CACNA2D3: variants seen among roughly 807,000 people sequenced by gnomAD.
The protein encoded by CACNA2D3 is voltage-dependent calcium channel subunit alpha-2/delta-3.
CACNA2D3 carries 60 observed loss-of-function variants against 160.6 expected under a neutral mutation model. That is an observed-to-expected ratio of 0.37 (90% CI 0.30 to 0.46). The LOEUF (loss-of-function observed/expected upper bound fraction) is 0.46. CACNA2D3 is among the 20% of genes least tolerant of loss of function. CACNA2D3 has a pLI of 1.00. For synonymous variants in CACNA2D3, 558 were observed against 492.9 expected (o/e 1.13, Z -1.75); for missense variants, 1,205 against 1,365.0 (o/e 0.88, Z 1.85).
Position 54,832,011 on chromosome 3 carries a change from T to TCATACACACAGCACA in CACNA2D3, c.1399-5146_1399-5145insTACACACAGCACACA, listed in dbSNP as rs373556430. 8.5e-4 allele frequency among the ~76,000 whole-genome samples: 101 copies of TCATACACACAGCACA among 118,948 alleles called. 2 individuals are homozygous for TCATACACACAGCACA. Among genetic ancestry groups the TCATACACACAGCACA allele is most frequent in the African/African-American group, 3.3e-3 (99 of 30,210 alleles). 78.0% of individuals were successfully genotyped at this position (118,948 alleles called of 152,430 possible). ...TCCCTCTTTATCTCTCTCTTCTCTG[T>TCATACACACAGCACA]CACACACACACACACACACACACAC... On this transcript the variant is annotated intron_variant, in intron 14 of 37. Transcript: ENST00000474759.
intron 2 of CACNA2D3, among the ~76,000 whole-genome samples, chr3:54,173,401 TTAA>T (rs1230008440): frequency 6.6e-6 from 1 of 152,196 alleles, no homozygotes; most frequent in Non-Finnish European, 1.5e-5. Flanking sequence ...ACAAGAAAAT[TTAA>T]TAATAATGCA....
chr3:54,919,866 C>A (rs1295720406), intron 27 of CACNA2D3, among the ~76,000 whole-genome samples: 1 of 152,226 alleles, frequency 6.6e-6, no homozygotes, highest in Admixed American at 6.5e-5. Context: ...ACATCCAAAC[C>A]CAGTTCTCCA....
At chr3:55,058,762 C>T (rs1224458579) in intron 35 of CACNA2D3, among the ~76,000 whole-genome samples, 1 of 152,052 alleles carries the variant, frequency 6.6e-6, no homozygotes, top group Non-Finnish European at 1.5e-5. Flanking sequence ...CAGCTCATTA[C>T]TCAGAACTAA....
chr3:54,515,129 C>CAAAGATGCACAAGA lies in CACNA2D3; in HGVS notation c.544+11484_544+11485insCAAGAAAAGATGCA, dbSNP rs199988019. ...GGTCCCAAAGGTGCCCAGCAAGTGA[C>CAAAGATGCACAAGA]AAAGATGCAGAAGAAAATGCATAGT... is the stretch of plus-strand genomic sequence containing the variant. On this transcript the variant is annotated intron_variant, in intron 5 of 37. Coordinates refer to ENST00000474759, the MANE Select transcript of CACNA2D3 (RefSeq NM_018398.3). 5.9e-3 allele frequency among the ~76,000 whole-genome samples: 891 copies of CAAAGATGCACAAGA among 150,338 alleles called. 9 individuals are homozygous for CAAAGATGCACAAGA. The highest frequency in any genetic ancestry group is 0.02 in the African/African-American group (795 of 40,718).
At chr3:54,733,929 A>G (rs964108984) in intron 11 of CACNA2D3, among the ~76,000 whole-genome samples, 95 of 152,132 alleles carry the variant, frequency 6.2e-4, no homozygotes, top group African/African-American at 2.3e-3. Flanking sequence ...ACAAAGTACA[A>G]AGAACTCGAT....
At chr3:54,618,370 T>TGCAC in intron 9 of CACNA2D3, among the ~76,000 whole-genome samples, 1 of 82,286 alleles carries the variant, frequency 1.2e-5, no homozygotes, top group African/African-American at 5.6e-5. Flanking sequence ...TATATATATA[T>TGCAC]ATATGCACAC....
At chr3:54,765,440 A>T (rs1213794675) in intron 13 of CACNA2D3, among the ~76,000 whole-genome samples, 1 of 152,210 alleles carries the variant, frequency 6.6e-6, no homozygotes, top group Non-Finnish European at 1.5e-5. Context: ...GATGCTAGGG[A>T]GACCATGAGC....
chr3:54,473,369 T>A (rs1164299771), intron 4 of CACNA2D3, among the ~76,000 whole-genome samples: 1 of 152,012 alleles, frequency 6.6e-6, no homozygotes, highest in African/African-American at 2.4e-5. Flanking sequence ...TTACACCTTA[T>A]AAAAAAATTA....
chr3:54,316,042 C>G (rs1703852584), intron 2 of CACNA2D3, among the ~76,000 whole-genome samples: 1 of 151,938 alleles, frequency 6.6e-6, no homozygotes, highest in African/African-American at 2.4e-5. Context: ...AATGTACAAT[C>G]ACATTGTGTA....
intron 3 of CACNA2D3, among the ~76,000 whole-genome samples, chr3:54,356,181 C>A (rs909468721): frequency 2.0e-5 from 3 of 152,266 alleles, no homozygotes; most frequent in East Asian, 3.9e-4. Flanking sequence ...CCAGGATCAA[C>A]AATATAGGTT....
chr3:54,494,383 G>A (rs576006493), intron 4 of CACNA2D3, among the ~76,000 whole-genome samples: 1 of 152,294 alleles, frequency 6.6e-6, no homozygotes, highest in East Asian at 1.9e-4. Flanking sequence ...TAAATGATGA[G>A]CGCCATTGAG....
chr3:54,541,278 G>GAAA (rs141900915), intron 5 of CACNA2D3, among the ~76,000 whole-genome samples: 421 of 81,216 alleles, frequency 5.2e-3, no homozygotes, highest in Middle Eastern at 0.016. Context: ...CTCCGTCTCA[G>GAAA]AAAAAAAAAA....
At chr3:54,899,202 A>C (rs1284659622) in intron 26 of CACNA2D3, among the ~76,000 whole-genome samples, 1 of 152,244 alleles carries the variant, frequency 6.6e-6, no homozygotes, top group African/African-American at 2.4e-5. Context: ...CTGGTAATTG[A>C]AAATCTCTTA....
intron 2 of CACNA2D3, among the ~76,000 whole-genome samples, chr3:54,139,005 C>A (rs1449203612): frequency 1.3e-5 from 2 of 152,126 alleles, no homozygotes; most frequent in Non-Finnish European, 2.9e-5. Flanking sequence ...AGGAGTCTGG[C>A]CTGGGGTCTG....
chr3:54,333,238 C>G (rs1438424303), intron 3 of CACNA2D3, among the ~76,000 whole-genome samples: 1 of 152,002 alleles, frequency 6.6e-6, no homozygotes, highest in African/African-American at 2.4e-5. Context: ...AGTGGTTGGT[C>G]CATTTTACTC....
chr3:54,265,392 T>G (rs1702480807), intron 2 of CACNA2D3, among the ~76,000 whole-genome samples: 2 of 151,718 alleles, frequency 1.3e-5, no homozygotes, highest in Non-Finnish European at 1.5e-5. Context: ...CTGTTGGGGT[T>G]GGGGGATAGG....
intron 10 of CACNA2D3, among the ~76,000 whole-genome samples, chr3:54,636,814 A>C (rs1699383850): frequency 6.6e-6 from 1 of 151,972 alleles, no homozygotes; most frequent in Admixed American, 6.6e-5. Context: ...ATGAGGATGA[A>C]ATTTGGGCTT....
Position 54,496,358 on chromosome 3 carries a change from A to G in CACNA2D3, c.382-7134A>G, listed in dbSNP as rs1701202561. Among the ~76,000 whole-genome samples the G allele has an allele frequency of 2.6e-5, 4 of 152,206 alleles. No individual in the cohort carries two copies. In the South Asian group the frequency reaches 8.3e-4, roughly 31 times the overall value. ...ATGTCAGCACTTCTAGTGGGTATAA[A>G]ATGGCATCTGATTGGAGTTTTATTT... On this transcript the variant is annotated intron_variant, in intron 4 of 37. Transcript: ENST00000474759.
chr3:54,443,952 C>G (rs989592187), intron 4 of CACNA2D3, among the ~76,000 whole-genome samples: 26 of 152,112 alleles, frequency 1.7e-4, no homozygotes, highest in Non-Finnish European at 1.5e-5. Flanking sequence ...CTCTTTGCTT[C>G]TGGACTTCCT....
Sources: allele counts gnomAD v4.1 joint callset (sites outside exome capture counted in the v4.1 genomes callset), GRCh38; gene constraint gnomAD v4.1.1; transcripts MANE v1.5; gene names NCBI Gene and HGNC (gene_info 2026-07-23, HGNC 2026-07-21).